TUBAL3: variants seen among roughly 807,000 people sequenced by gnomAD.
TUBAL3 encodes tubulin alpha chain-like 3.
TUBAL3 carries 16 observed loss-of-function variants against 15.5 expected under a neutral mutation model. That is an observed-to-expected ratio of 1.04 (90% CI 0.70 to 1.57). TUBAL3 has a LOEUF of 1.57. TUBAL3 is among the 40% of genes most tolerant of loss of function. The pLI is 0.00. For synonymous variants in TUBAL3, 238 were observed against 224.3 expected (o/e 1.06, Z -0.55); for missense variants, 609 against 576.2 (o/e 1.06, Z -0.58).
chr10:5,395,248 G>A lies in TUBAL3; in HGVS notation c.396+79C>T. On this transcript the variant is annotated intron_variant, in intron 3 of 3. Transcript: ENST00000380419. The surrounding 1 kb of genome is among the most constrained non-coding windows in gnomAD (Gnocchi z 4.6). The stretch of plus-strand genomic sequence containing the variant: ...ACGGTTGGTGGCGATGGTGACAGCA[G>A]ATAATGCTTGTGAGTTCTGCCGCAG... 3 of 1,364,662 alleles carry A rather than the reference G, an allele frequency of 2.2e-6. No individual in the cohort carries two copies. The highest frequency in any genetic ancestry group is 2.9e-6 in the Non-Finnish European group (3 of 1,036,262). 84.5% of individuals were successfully genotyped at this position (1,364,662 alleles called of 1,614,324 possible).
At position 5,394,213 on chromosome 10, in the gene TUBAL3, G is replaced by T; in HGVS notation, c.645C>A (p.Ala215=). The T allele has an allele frequency of 6.2e-7, 1 of 1,614,098 alleles. No individual in the cohort carries two copies. The change falls in exon 4 of 4, where the codon GCC becomes GCA. Residue 215 remains alanine, a synonymous_variant. Transcript: ENST00000380419. This position sits in a 1 kb window ranked among gnomAD's most constrained non-coding sequence, Gnocchi z 4.3. ...TDCTFMVDNE[A]VYDICHRKLG... ...GTTTACGATGGCATATATCATAGAC[G>T]GCCTCGTTGTCCACCATGAAGGTAC... is the stretch of plus-strand genomic sequence containing the variant.
rs534913397 is a variant in TUBAL3, at chr10:5,400,923, G to A, written c.168C>T (p.Phe56=). ...NAKMEHTNAS[F]DTFFCETRAG... ...CTCTTGTCTCACAGAAGAAGGTATC[G>A]AAAGATGCATTTGTGTGCTCCATTT... The change falls in exon 2 of 4, where the codon TTC becomes TTT. Residue 56 remains phenylalanine, a synonymous_variant. Coordinates refer to ENST00000380419, the MANE Select transcript of TUBAL3 (RefSeq NM_024803.3). 21 of 1,614,228 alleles carry A rather than the reference G, an allele frequency of 1.3e-5. No homozygotes were observed. Among genetic ancestry groups the A allele is most frequent in the South Asian group, 2.2e-5 (2 of 91,090 alleles).
rs782428043 is a variant in TUBAL3, at chr10:5,394,016, G to C, written c.842C>G (p.Pro281Arg). 8 of 1,614,182 alleles carry C rather than the reference G, an allele frequency of 5.0e-6. No individual in the cohort carries two copies. The highest frequency in any genetic ancestry group is 5.9e-6 in the Non-Finnish European group (7 of 1,180,030). Residue 281 changes from proline (P) to arginine (R), a missense_variant, in exon 4 of 4, where the codon CCC becomes CGC. Physicochemically the swap from Pro to Arg is moderately radical, Grantham distance 103. Transcript: ENST00000380419. This position sits in a 1 kb window ranked among gnomAD's most constrained non-coding sequence, Gnocchi z 4.3. ...GTAGGCTTTGTCAGCAGAGACGATG[G>C]GGGCGAAGGCTGTCATGGGGAAATG... ...RIHFPMTAFA[P>R]IVSADKAYHE... is the part of the protein sequence containing the mutation.
rs143994010 is a variant in TUBAL3, at chr10:5,395,389, G to C, written c.334C>G (p.Arg112Gly). Reference protein sequence around the residue: ...GKEDAANNYARGRYSVGSEVI... With the variant: ...GKEDAANNYAGGRYSVGSEVI... The stretch of plus-strand genomic sequence containing the variant: ...TCCGACCCCACAGAGTAACGGCCTC[G>C]CGCGTAATTGTTAGCAGCATCCTCC... The change falls in exon 3 of 4, where the codon CGA (arginine) becomes GGA (glycine). Residue 112 changes from arginine (R) to glycine (G), a missense_variant. By Grantham distance (125) the Arg-to-Gly change is moderately radical (BLOSUM62 -2). Transcript: ENST00000380419. This position sits in a 1 kb window ranked among gnomAD's most constrained non-coding sequence, Gnocchi z 4.6. 4 of 1,606,528 alleles carry C rather than the reference G, an allele frequency of 2.5e-6. No individual in the cohort carries two copies.
At chr10:5,403,220 C>T (rs181339459) in intron 1 of TUBAL3, among the ~76,000 whole-genome samples, 4 of 152,304 alleles carry the variant, frequency 2.6e-5, no homozygotes, top group Admixed American at 2.6e-4. Flanking sequence ...TATAAACAGG[C>T]TTCGAATACC....
chr10:5,403,807 C>G lies in TUBAL3; in HGVS notation c.3+983G>C, dbSNP rs527419481. Among the ~76,000 whole-genome samples, 3 of 152,260 alleles carry G rather than the reference C, an allele frequency of 2.0e-5. No homozygotes were observed. In the South Asian group the frequency reaches 6.2e-4, roughly 32 times the overall value. On this transcript the variant is annotated intron_variant, in intron 1 of 3. Coordinates refer to ENST00000380419, the MANE Select transcript of TUBAL3 (RefSeq NM_024803.3). ...ATAAAGTAGAAGACTATAAAATGTC[C>G]ACTGAACGTCAACACTGATAAGTCA...
At position 5,397,435 on chromosome 10, in the gene TUBAL3, T is replaced by G. The variant is rs894598853; in HGVS notation, c.248-1960A>C. ...TCCTTCTTATCTGAAGCTATAAGGC[T>G]GCATTCAGGCTAAGAAGGTAATTTA... On this transcript the variant is annotated intron_variant, in intron 2 of 3. Coordinates refer to ENST00000380419, the MANE Select transcript of TUBAL3 (RefSeq NM_024803.3). The surrounding 1 kb of genome is among the most constrained non-coding windows in gnomAD (Gnocchi z 4.9). 6.6e-6 allele frequency among the ~76,000 whole-genome samples: 1 copy of G among 152,224 alleles called. No homozygotes were observed. The highest frequency in any genetic ancestry group is 2.4e-5 in the African/African-American group (1 of 41,462).
At position 5,394,561 on chromosome 10, in the gene TUBAL3, A is replaced by G; in HGVS notation, c.397-100T>C. On this transcript the variant is annotated intron_variant, in intron 3 of 3. Transcript: ENST00000380419. This position sits in a 1 kb window ranked among gnomAD's most constrained non-coding sequence, Gnocchi z 4.3. Reference sequence around the variant, plus strand: ...ATACAACAGGTTTCCCCAAAACAAAATCTTTCAGAAAGGACTCCTTTGCCT... The same window carrying G: ...ATACAACAGGTTTCCCCAAAACAAAGTCTTTCAGAAAGGACTCCTTTGCCT... The G allele has an allele frequency of 2.7e-6, 3 of 1,110,336 alleles. No homozygotes were observed. The highest frequency in any genetic ancestry group is 1.3e-6 in the Non-Finnish European group (1 of 791,894). The allele number at this position is 1,110,336 out of a possible 1,614,324, so 68.8% of individuals were successfully genotyped here. A position where few individuals can be genotyped will look rare whatever the true frequency, so the allele number is the denominator to read the frequency against.
At position 5,395,494 on chromosome 10, in the gene TUBAL3, G is replaced by A. The variant is rs782767860; in HGVS notation, c.248-19C>T. On this transcript the variant is annotated intron_variant, in intron 2 of 3. Transcript: ENST00000380419. This position sits in a 1 kb window ranked among gnomAD's most constrained non-coding sequence, Gnocchi z 4.6. Reference sequence around the variant, plus strand: ...ATCCCATCTGCAGAGGGTGAAAGGAGGTCAGTGCAACTCACCCAGTGCAAT... The same window carrying A: ...ATCCCATCTGCAGAGGGTGAAAGGAAGTCAGTGCAACTCACCCAGTGCAAT... The A allele has an allele frequency of 1.3e-6, 2 of 1,483,622 alleles. No homozygotes were observed. Among genetic ancestry groups the A allele is most frequent in the African/African-American group, 1.4e-5 (1 of 70,962 alleles). The allele number at this position is 1,483,622 out of a possible 1,614,324, so 91.9% of individuals were successfully genotyped here. A position where few individuals can be genotyped will look rare whatever the true frequency, so the allele number is the denominator to read the frequency against.
At chr10:5,403,641 A>G (rs1831889522) in intron 1 of TUBAL3, among the ~76,000 whole-genome samples, 1 of 152,188 alleles carries the variant, frequency 6.6e-6, no homozygotes. Flanking sequence ...AATAGCCTGG[A>G]CTAACAAGCA....
chr10:5,398,278 G>A (rs914420546), intron 2 of TUBAL3, among the ~76,000 whole-genome samples: 1 of 151,942 alleles, frequency 6.6e-6, no homozygotes, highest in East Asian at 1.9e-4. Context: ...AAATTAGCAG[G>A]GCATGGTGAC....
In TUBAL3 at chr10:5,395,389, G is replaced by T; in HGVS notation, c.334C>A (p.Arg112=). The change falls in exon 3 of 4, where the codon CGA becomes AGA. Residue 112 remains arginine (R), a synonymous_variant. Transcript: ENST00000380419. This position sits in a 1 kb window ranked among gnomAD's most constrained non-coding sequence, Gnocchi z 4.6. ...GKEDAANNYA[R]GRYSVGSEVI... Reference sequence around the variant, plus strand: ...TCCGACCCCACAGAGTAACGGCCTCGCGCGTAATTGTTAGCAGCATCCTCC... The same window carrying T: ...TCCGACCCCACAGAGTAACGGCCTCTCGCGTAATTGTTAGCAGCATCCTCC... 3.7e-6 allele frequency: 6 copies of T among 1,606,644 alleles called. No homozygotes were observed. Among genetic ancestry groups the T allele is most frequent in the Non-Finnish European group, 4.3e-6 (5 of 1,175,562 alleles).
rs1554813793 is a variant in TUBAL3, at chr10:5,393,945, A to G, written c.913T>C (p.Ser305Pro). 1 of 1,614,054 alleles carries G rather than the reference A, an allele frequency of 6.2e-7. No homozygotes were observed. The highest frequency in any genetic ancestry group is 8.5e-7 in the Non-Finnish European group (1 of 1,180,038). ...VSDITTACFE[S>P]SNQLVKCDPR... ...TCACACTTGACCAGCTGGTTGGAGGACTCAAAGCAGGCAGTGGTGATGTCT... is the reference window on the plus strand; with the variant it reads ...TCACACTTGACCAGCTGGTTGGAGGGCTCAAAGCAGGCAGTGGTGATGTCT... Residue 305 changes from serine (S) to proline (P), a missense_variant, in exon 4 of 4, where the codon TCC (serine) becomes CCC (proline). By Grantham distance (74) the Ser-to-Pro change is moderately conservative (BLOSUM62 -1). Transcript: ENST00000380419.
In TUBAL3 at chr10:5,395,492, G is replaced by C. The variant is rs375805773; in HGVS notation, c.248-17C>G. The C allele has an allele frequency of 1.3e-6, 2 of 1,492,280 alleles. No individual in the cohort carries two copies. The highest frequency in any genetic ancestry group is 1.8e-6 in the Non-Finnish European group (2 of 1,108,278). The allele number at this position is 1,492,280 out of a possible 1,614,324, so 92.4% of individuals were successfully genotyped here. On this transcript the variant is annotated splice_polypyrimidine_tract_variant and intron_variant, in intron 2 of 3. Coordinates refer to ENST00000380419, the MANE Select transcript of TUBAL3 (RefSeq NM_024803.3). This position sits in a 1 kb window ranked among gnomAD's most constrained non-coding sequence, Gnocchi z 4.6. ...GGATCCCATCTGCAGAGGGTGAAAG[G>C]AGGTCAGTGCAACTCACCCAGTGCA...
In TUBAL3 at chr10:5,394,528, G is replaced by T; in HGVS notation, c.397-67C>A. 7.0e-7 allele frequency: 1 copy of T among 1,419,876 alleles called. No individual in the cohort carries two copies. The highest frequency in any genetic ancestry group is 9.5e-7 in the Non-Finnish European group (1 of 1,051,742). 88.0% of individuals were successfully genotyped at this position (1,419,876 alleles called of 1,614,324 possible). A position where few individuals can be genotyped will look rare whatever the true frequency, so the allele number is the denominator to read the frequency against. ...TCCAGAAGCAGTGAATTGGACAGTA[G>T]TGGCAGGATACAACAGGTTTCCCCA... On this transcript the variant is annotated intron_variant, in intron 3 of 3. Coordinates refer to ENST00000380419, the MANE Select transcript of TUBAL3 (RefSeq NM_024803.3). This position sits in a 1 kb window ranked among gnomAD's most constrained non-coding sequence, Gnocchi z 4.3.
rs1554813755 is a variant in TUBAL3, at chr10:5,393,786, A to T, written c.1072T>A (p.Phe358Ile). The T allele has an allele frequency of 6.2e-7, 1 of 1,614,136 alleles. No individual in the cohort carries two copies. The highest frequency in any genetic ancestry group is 2.2e-5 in the East Asian group (1 of 44,882). The change falls in exon 4 of 4, where the codon TTC becomes ATC. Residue 358 changes from phenylalanine (F) to isoleucine (I), a missense_variant. Phe to Ile is a conservative substitution (Grantham distance 21). Coordinates refer to ENST00000380419, the MANE Select transcript of TUBAL3 (RefSeq NM_024803.3). ...GGCCGATTGTTGATGCCCACCTTGA[A>T]ACCAGTTGGACACCAATCTACAAAC... Reference protein sequence around the residue: ...VQFVDWCPTGFKVGINNRPPT... With the variant: ...VQFVDWCPTGIKVGINNRPPT...
Position 5,400,932 on chromosome 10 carries a change from A to AT in TUBAL3, c.158dup (p.Asn53LysfsTer10), listed in dbSNP as rs1177147301. 3.1e-6 allele frequency: 5 copies of AT among 1,614,102 alleles called. No individual in the cohort carries two copies. Among genetic ancestry groups the AT allele is most frequent in the African/African-American group, 2.7e-5 (2 of 74,934 alleles). ...CACAGAAGAAGGTATCGAAAGATGC[A>AT]TTTGTGTGCTCCATTTTTGCATTTT... On this transcript the variant is annotated frameshift_variant, in exon 2 of 4. Transcript: ENST00000380419. LOFTEE classifies it high-confidence loss of function.
Position 5,395,273 on chromosome 10 carries a change from G to C in TUBAL3, c.396+54C>G. 1 of 1,404,662 alleles carries C rather than the reference G, an allele frequency of 7.1e-7. No homozygotes were observed. Among genetic ancestry groups the C allele is most frequent in the Non-Finnish European group, 9.4e-7 (1 of 1,066,200 alleles). The allele number at this position is 1,404,662 out of a possible 1,614,324, so 87.0% of individuals were successfully genotyped here. A position where few individuals can be genotyped will look rare whatever the true frequency, so the allele number is the denominator to read the frequency against. ...GATAATGCTTGTGAGTTCTGCCGCA[G>C]GACCCCACATGCCCCAGGCACAGCC... On this transcript the variant is annotated intron_variant, in intron 3 of 3. Coordinates refer to ENST00000380419, the MANE Select transcript of TUBAL3 (RefSeq NM_024803.3). This position sits in a 1 kb window ranked among gnomAD's most constrained non-coding sequence, Gnocchi z 4.6.
intron 2 of TUBAL3, among the ~76,000 whole-genome samples, chr10:5,398,446 A>C (rs1434780442): frequency 6.7e-6 from 1 of 149,278 alleles, no homozygotes; most frequent in African/African-American, 2.5e-5. Context: ...AAAAAAAAAA[A>C]AACTTATCCA....
Sources: allele counts gnomAD v4.1 joint callset (sites outside exome capture counted in the v4.1 genomes callset), GRCh38; gene constraint gnomAD v4.1.1; non-coding constraint Gnocchi (gnomAD v3.1); transcripts MANE v1.5; gene names NCBI Gene and HGNC (gene_info 2026-07-23, HGNC 2026-07-21).